Variants in PTPN12 observed in about 807,000 individuals in gnomAD.
PTPN12 encodes protein tyrosine phosphatase non-receptor type 12, also known as tyrosine-protein phosphatase non-receptor type 12.
Under a neutral mutation model 97.6 loss-of-function variants are expected in PTPN12, and 29 were observed. The ratio of observed to expected loss-of-function variants is 0.30; its 90% CI spans 0.22 to 0.41. The LOEUF (loss-of-function observed/expected upper bound fraction) is 0.41, where lower values mean the gene tolerates loss of function less well. Among genes scored for constraint, PTPN12 ranks in the 10% least tolerant of loss-of-function variants. The pLI is 1.00. For synonymous variants in PTPN12, 327 were observed against 300.4 expected (o/e 1.09, Z -0.91); for missense variants, 819 against 926.0 (o/e 0.88, Z 1.50).
chr7:77,639,091 G>T, intron 17 of PTPN12, 128 bp from the exon 18 acceptor site: 6 of 765,218 alleles, frequency 7.8e-6, no homozygotes, highest in Non-Finnish European at 7.9e-6. Flanking sequence ...GTTTTGTTTG[G>T]CTTAAATTCT....
chr7:77,622,142 A>C (rs1788962023), intron 12 of PTPN12, among the ~76,000 whole-genome samples: 1 of 152,042 alleles, frequency 6.6e-6, no homozygotes, highest in South Asian at 2.1e-4. Flanking sequence ...TTTTGTAGAG[A>C]TGGGTTTTCT....
intron 4 of PTPN12, among the ~76,000 whole-genome samples, chr7:77,584,896 T>G (rs62473662): frequency 2.4e-3 from 366 of 151,940 alleles, no homozygotes; most frequent in Non-Finnish European, 4.6e-3. Flanking sequence ...AAAAAAAATT[T>G]ATTGTGTTCT....
At chr7:77,559,057 TA>T (rs2151306693) in intron 1 of PTPN12, among the ~76,000 whole-genome samples, 1 of 152,356 alleles carries the variant, frequency 6.6e-6, no homozygotes, top group East Asian at 1.9e-4. Context: ...GTTGAACATC[TA>T]CTTTTTTTCT....
intron 5 of PTPN12, among the ~76,000 whole-genome samples, chr7:77,586,447 C>CG: frequency 6.6e-6 from 1 of 151,256 alleles, no homozygotes; most frequent in South Asian, 2.1e-4. Flanking sequence ...GGACCAGGAA[C>CG]GGTAGTTCAC....
At position 77,577,921 on chromosome 7, in the gene PTPN12, T is replaced by C. The variant is rs568514152; in HGVS notation, c.209-3506T>C. ...ATGATTGGGGATAGATGAAATAAGA[T>C]TGGCAAAATGTTGATAATGAAGCTG... On this transcript the variant is annotated intron_variant, in intron 2 of 17. Transcript: ENST00000248594. 1.8e-4 allele frequency among the ~76,000 whole-genome samples: 27 copies of C among 152,316 alleles called. No homozygotes were observed. In the South Asian group the frequency reaches 2.5e-3, roughly 14 times the overall value.
chr7:77,614,560 G>A (rs1378348908), intron 11 of PTPN12, among the ~76,000 whole-genome samples: 1 of 151,934 alleles, frequency 6.6e-6, no homozygotes, highest in African/African-American at 2.4e-5. Context: ...TAGATGAATG[G>A]ATAAATAGTA....
At position 77,639,548 on chromosome 7, in the gene PTPN12, CT is replaced by C. The variant is rs1789725029; in HGVS notation, c.*271del. 1 of 359,402 alleles carries C rather than the reference CT, an allele frequency of 2.8e-6. No homozygotes were observed. Among genetic ancestry groups the C allele is most frequent in the Non-Finnish European group, 5.0e-6 (1 of 200,268 alleles). 22.3% of individuals were successfully genotyped at this position (359,402 alleles called of 1,614,324 possible). On this transcript the variant is annotated 3_prime_UTR_variant, in exon 18 of 18. Coordinates refer to ENST00000248594, the MANE Select transcript of PTPN12 (RefSeq NM_002835.4). ...TGTAGACATGTTAATATAGTAATAC[CT>C]TTATGATATATTGAGTTTAAGGACT...
At chr7:77,631,202 T>A (rs570251492) in intron 13 of PTPN12, among the ~76,000 whole-genome samples, 10 of 152,286 alleles carry the variant, frequency 6.6e-5, no homozygotes, top group African/African-American at 2.4e-4. Flanking sequence ...AGTTCTTTAG[T>A]GGCAAGAGAG....
At chr7:77,584,553 A>G (rs1787624817) in intron 4 of PTPN12, among the ~76,000 whole-genome samples, 1 of 152,142 alleles carries the variant, frequency 6.6e-6, no homozygotes, top group Non-Finnish European at 1.5e-5. Flanking sequence ...ATTTGCCTCA[A>G]GGGAAAAATA....
At chr7:77,636,619 T>C in intron 15 of PTPN12, 1 of 165,664 alleles carries the variant, frequency 6.0e-6, no homozygotes, top group Non-Finnish European at 1.3e-5. Flanking sequence ...TAACATTTTT[T>C]ATTAACATTA....
At chr7:77,571,300 C>G in intron 2 of PTPN12, 114 bp downstream of exon 2, 1 of 637,514 alleles carries the variant, frequency 1.6e-6, no homozygotes. Flanking sequence ...ATTAACCTAT[C>G]TTTCAAAGTA....
chr7:77,556,841 TA>T (rs1456130304), intron 1 of PTPN12, among the ~76,000 whole-genome samples: 1 of 151,896 alleles, frequency 6.6e-6, no homozygotes, highest in African/African-American at 2.4e-5. Context: ...AAATAAAAAA[TA>T]AAAATACAAA....
intron 8 of PTPN12, among the ~76,000 whole-genome samples, chr7:77,603,686 T>C (rs916227966): frequency 5.3e-5 from 8 of 152,166 alleles, no homozygotes; most frequent in Admixed American, 6.5e-5. Context: ...CTGCAGTTAT[T>C]AGGACAAAGT....
intron 1 of PTPN12, among the ~76,000 whole-genome samples, chr7:77,540,211 G>A (rs890171880): frequency 2.0e-5 from 3 of 151,608 alleles, no homozygotes; most frequent in Admixed American, 1.3e-4. Flanking sequence ...ATTCCTATTG[G>A]AGAGTTCATT....
chr7:77,618,631 G>T, intron 12 of PTPN12, 66 bp downstream of exon 12: 2 of 1,065,358 alleles, frequency 1.9e-6, no homozygotes, highest in South Asian at 2.9e-5. Flanking sequence ...TAATTAAAAT[G>T]ACAAATTCTG....
At chr7:77,578,685 A>G (rs1481602148) in intron 2 of PTPN12, among the ~76,000 whole-genome samples, 1 of 152,074 alleles carries the variant, frequency 6.6e-6, no homozygotes, top group East Asian at 1.9e-4. Context: ...ACATTTCCGT[A>G]TTTCCTTTTG....
intron 12 of PTPN12, among the ~76,000 whole-genome samples, chr7:77,620,916 C>T (rs2151386758): frequency 6.6e-6 from 1 of 151,976 alleles, no homozygotes; most frequent in Non-Finnish European, 1.5e-5. Context: ...CCACTGCACT[C>T]CAGCCTGGGT....
chr7:77,615,310 A>G lies in PTPN12; in HGVS notation c.940-3170A>G, dbSNP rs1013056282. Among the ~76,000 whole-genome samples the G allele has an allele frequency of 1.2e-3, 178 of 152,278 alleles. 1 individual carries two copies. Among genetic ancestry groups the G allele is most frequent in the African/African-American group, 4.1e-3 (172 of 41,570 alleles). On this transcript the variant is annotated intron_variant, in intron 11 of 17. Transcript: ENST00000248594. Reference sequence around the variant, plus strand: ...TTTTATTTTTAAAGCACCCTGATTTATAATTTATTTTCTTCTGCAGCTGAT... The same window carrying G: ...TTTTATTTTTAAAGCACCCTGATTTGTAATTTATTTTCTTCTGCAGCTGAT...
At chr7:77,632,292 C>T (rs189448833) in intron 13 of PTPN12, 56 bp from the exon 14 acceptor site, 36 of 1,284,372 alleles carry the variant, frequency 2.8e-5, no homozygotes, top group Non-Finnish European at 3.7e-5. Context: ...AGAAAGCTCT[C>T]TGATTTTGTT....
Sources: gnomAD v4.1 joint callset for allele counts (sites outside exome capture counted in the v4.1 genomes callset) on GRCh38, gnomAD v4.1.1 for gene constraint, MANE v1.5 for transcripts, NCBI Gene and HGNC (gene_info 2026-07-23, HGNC 2026-07-21) for gene names.